FARP2: variants seen among roughly 807,000 people sequenced by gnomAD.
FARP2 encodes the protein FERM, ARHGEF and pleckstrin domain-containing protein 2.
Under a neutral mutation model 130.5 loss-of-function variants are expected in FARP2, and 111 were observed. That is an observed-to-expected ratio of 0.85 (90% confidence interval 0.73 to 1.00). The LOEUF (loss-of-function observed/expected upper bound fraction) is 1.00. Ranked by LOEUF, FARP2 falls within the 50% of genes least tolerant of loss-of-function variation. FARP2 has a pLI of 0.00. For missense variants in FARP2, 1,385 were observed against 1,346.3 expected (o/e 1.03, Z -0.45); for synonymous variants, 504 against 516.9 (o/e 0.98, Z 0.34).
chr2:241,405,282 G>A (rs1048665474), intron 4 of FARP2: 4 of 154,460 alleles, frequency 2.6e-5, no homozygotes, highest in African/African-American at 9.7e-5. Context: ...GCCCAGGCTG[G>A]AGTGTAGTGG....
chr2:241,370,918 A>G (rs2061409942), intron 1 of FARP2, among the ~76,000 whole-genome samples: 1 of 152,220 alleles, frequency 6.6e-6, no homozygotes, highest in Non-Finnish European at 1.5e-5. Context: ...GTAACTGCCA[A>G]CCTGTGCCAA....
intron 5 of FARP2, among the ~76,000 whole-genome samples, chr2:241,409,745 T>C (rs61091386): frequency 6.6e-6 from 1 of 152,248 alleles, no homozygotes; most frequent in South Asian, 2.1e-4. Context: ...GGTTGATTTT[T>C]CCCCCCACTT....
At chr2:241,429,854 A>G (rs2063048997) in intron 8 of FARP2, among the ~76,000 whole-genome samples, 1 of 152,248 alleles carries the variant, frequency 6.6e-6, no homozygotes, top group African/African-American at 2.4e-5. Flanking sequence ...AGGCTGAGAC[A>G]GGATGATTGC....
chr2:241,457,926 CAG>C lies in FARP2; in HGVS notation c.1587+1005_1587+1006del, dbSNP rs577763959. 3.9e-3 allele frequency among the ~76,000 whole-genome samples: 591 copies of C among 152,234 alleles called. 2 individuals are homozygous for C. Among genetic ancestry groups the C allele is most frequent in the Non-Finnish European group, 7.6e-3 (515 of 67,996 alleles). ...GGGAGGGGGGCACATGGGCCACAGA[CAG>C]GGGTGAGGCTTTATGACAAAGTTGA... is the stretch of plus-strand genomic sequence containing the variant. On this transcript the variant is annotated intron_variant, in intron 14 of 26. Coordinates refer to ENST00000264042, the MANE Select transcript of FARP2 (RefSeq NM_014808.4).
chr2:241,397,196 A>G (rs1226693924), intron 2 of FARP2, among the ~76,000 whole-genome samples: 1 of 152,056 alleles, frequency 6.6e-6, no homozygotes. Flanking sequence ...CGGCGAGGGG[A>G]GGGAGGAGGG....
chr2:241,458,920 G>A (rs557803602), intron 14 of FARP2, among the ~76,000 whole-genome samples: 13 of 152,344 alleles, frequency 8.5e-5, no homozygotes, highest in South Asian at 2.1e-4. Flanking sequence ...GGTCCTCACC[G>A]AGCCATGCCC....
chr2:241,410,399 G>A (rs916645784), intron 5 of FARP2, among the ~76,000 whole-genome samples: 1 of 151,894 alleles, frequency 6.6e-6, no homozygotes, highest in Admixed American at 6.6e-5. Flanking sequence ...ATTATATGTG[G>A]GTAGATGGTA....
At chr2:241,490,354 G>A (rs563906342) in intron 22 of FARP2, among the ~76,000 whole-genome samples, 2 of 152,210 alleles carry the variant, frequency 1.3e-5, no homozygotes, top group East Asian at 3.9e-4. Flanking sequence ...GCAGGCTCCT[G>A]TGGTCTCCCA....
At chr2:241,361,456 A>G (rs2061184358) in intron 1 of FARP2, among the ~76,000 whole-genome samples, 2 of 152,312 alleles carry the variant, frequency 1.3e-5, no homozygotes, top group South Asian at 4.1e-4. Context: ...GGATCTCAAA[A>G]ATGCCAGCAG....
chr2:241,389,703 G>C (rs1215957629), intron 2 of FARP2, among the ~76,000 whole-genome samples: 2 of 152,148 alleles, frequency 1.3e-5, no homozygotes, highest in East Asian at 3.8e-4. Flanking sequence ...CTGTAGTTTT[G>C]TGCTCTTGTA....
At chr2:241,486,479 A>C (rs1277464004) in intron 21 of FARP2, among the ~76,000 whole-genome samples, 5 of 139,150 alleles carry the variant, frequency 3.6e-5, no homozygotes, top group African/African-American at 1.1e-4. Context: ...AAAAAAAAAA[A>C]AAAAAAAACA....
chr2:241,486,619 A>G (rs2064759904), intron 21 of FARP2, among the ~76,000 whole-genome samples: 1 of 152,034 alleles, frequency 6.6e-6, no homozygotes. Flanking sequence ...CTTTCCTTTC[A>G]TGGCAGCCCC....
intron 14 of FARP2, among the ~76,000 whole-genome samples, chr2:241,461,113 C>G (rs950253417): frequency 6.6e-6 from 1 of 152,176 alleles, no homozygotes; most frequent in Non-Finnish European, 1.5e-5. Context: ...TGCTCACTTG[C>G]AAACCCAGCT....
intron 4 of FARP2, among the ~76,000 whole-genome samples, chr2:241,406,727 G>A (rs1475837581): frequency 2.0e-5 from 3 of 152,104 alleles, no homozygotes; most frequent in Non-Finnish European, 4.4e-5. Flanking sequence ...GCCTCCCAAA[G>A]TGCTGGGATT....
intron 18 of FARP2, among the ~76,000 whole-genome samples, chr2:241,474,162 C>T (rs887193517): frequency 1.3e-5 from 2 of 151,428 alleles, no homozygotes; most frequent in Admixed American, 6.6e-5. Context: ...AAAAATTAGC[C>T]GGGCGTGGTG....
chr2:241,489,158 G>A (rs2124906637), intron 21 of FARP2: 1 of 152,364 alleles, frequency 6.6e-6, no homozygotes, highest in African/African-American at 2.4e-5. Context: ...GAGAGGCTTG[G>A]TTGGTGTATC....
At chr2:241,439,342 T>C (rs914104194) in intron 12 of FARP2, among the ~76,000 whole-genome samples, 2 of 152,078 alleles carry the variant, frequency 1.3e-5, no homozygotes, top group African/African-American at 4.8e-5. Flanking sequence ...TTTTTTTCTT[T>C]TTTTTGAGAC....
rs1450793294 is a variant in FARP2 at position 241,459,623 on chromosome 2, T to C, written c.1587+2701T>C. On this transcript the variant is annotated intron_variant, in intron 14 of 26. Coordinates refer to ENST00000264042, the MANE Select transcript of FARP2 (RefSeq NM_014808.4). This position sits in a 1 kb window ranked among gnomAD's most constrained non-coding sequence, Gnocchi z 5.3. The stretch of plus-strand genomic sequence containing the variant: ...TCTGCATGGGCACATAGACCCTTCA[T>C]GTGGGGACAGGTGGCGAAGCTCACA... Among the ~76,000 whole-genome samples, 1 of 152,216 alleles carries C rather than the reference T, an allele frequency of 6.6e-6. No homozygotes were observed. The highest frequency in any genetic ancestry group is 1.5e-5 in the Non-Finnish European group (1 of 68,026).
Position 241,468,204 on chromosome 2 carries a change from G to A in FARP2, c.1958G>A (p.Arg653His), listed in dbSNP as rs371446032. The A allele has an allele frequency of 5.8e-5, 94 of 1,614,034 alleles. No individual in the cohort carries two copies. The highest frequency in any genetic ancestry group is 7.3e-5 in the Non-Finnish European group (86 of 1,180,026). The stretch of plus-strand genomic sequence containing the variant: ...ACAGAACTGGAAAAGGCTACCAAAC[G>A]CTGTAAGAAGTTGGAGGCAGTGTAC... ...VLTELEKATK[R>H]CKKLEAVYKE... Residue 653 changes from arginine (R) to histidine (H), a missense_variant, in exon 18 of 27, where the codon CGC (arginine) becomes CAC (histidine). Transcript: ENST00000264042.
Sources: allele counts gnomAD v4.1 joint callset (sites outside exome capture counted in the v4.1 genomes callset), GRCh38; gene constraint gnomAD v4.1.1; non-coding constraint Gnocchi (gnomAD v3.1); transcripts MANE v1.5; gene names NCBI Gene and HGNC (gene_info 2026-07-23, HGNC 2026-07-21).